SNPH: variants seen among roughly 807,000 people sequenced by gnomAD.
SNPH encodes syntaphilin.
SNPH carries 10 observed loss-of-function variants against 36.8 expected under a neutral mutation model. That is an observed-to-expected ratio of 0.27 (90% confidence interval 0.17 to 0.46). The LOEUF (loss-of-function observed/expected upper bound fraction) is 0.46. Ranked by LOEUF, SNPH falls within the 20% of genes least tolerant of loss-of-function variation. SNPH has a pLI of 1.00. For synonymous variants in SNPH, 281 were observed against 312.2 expected (o/e 0.90, Z 1.05); for missense variants, 622 against 744.0 (o/e 0.84, Z 1.91).
At chr20:1,270,562 C>T (rs1479736746) in intron 2 of SNPH, among the ~76,000 whole-genome samples, 1 of 152,202 alleles carries the variant, frequency 6.6e-6, no homozygotes, top group Non-Finnish European at 1.5e-5. Flanking sequence ...CCTCATCAAT[C>T]TAGAAGGTGG....
intron 2 of SNPH, among the ~76,000 whole-genome samples, chr20:1,287,295 T>G (rs1403571344): frequency 6.6e-6 from 1 of 152,236 alleles, no homozygotes; most frequent in Non-Finnish European, 1.5e-5. Flanking sequence ...AATGCATATT[T>G]TATTGCATGT....
At chr20:1,280,032 C>T (rs767464950) in intron 2 of SNPH, among the ~76,000 whole-genome samples, 15 of 152,174 alleles carry the variant, frequency 9.9e-5, no homozygotes, top group South Asian at 8.3e-4. Context: ...GATGGAGAGG[C>T]GAACTATTCA....
rs375738149 is a variant in SNPH, at chr20:1,297,165, G to A, written c.203G>A (p.Ser68Asn). Residue 68 changes from serine (S) to asparagine (N), a missense_variant, in exon 5 of 7, where the codon AGC becomes AAC. Ser to Asn is a conservative substitution (Grantham distance 46). Around this residue, in one of 3 missense-constraint regions of SNPH, gnomAD observed 187 missense variants for 209.4 expected, o/e 0.89. Coordinates refer to ENST00000381867, the MANE Select transcript of SNPH (RefSeq NM_001318234.2). ...GSRRRTSPPV[S>N]VRDAYGTSSL... ...TCCAGGCGCACCTCTCCACCTGTGAGCGTGCGGGATGCCTACGGCACCTCT... is the reference window on the plus strand; with the variant it reads ...TCCAGGCGCACCTCTCCACCTGTGAACGTGCGGGATGCCTACGGCACCTCT... 29 of 1,613,632 alleles carry A rather than the reference G, an allele frequency of 1.8e-5. No individual in the cohort carries two copies. In the African/African-American group the frequency reaches 3.5e-4, roughly 19 times the overall value.
rs777457414 is a variant in SNPH at position 1,300,654 on chromosome 20, T to A, written c.383T>A (p.Val128Glu). 1 of 1,612,468 alleles carries A rather than the reference T, an allele frequency of 6.2e-7. No homozygotes were observed. The highest frequency in any genetic ancestry group is 8.5e-7 in the Non-Finnish European group (1 of 1,179,862). Residue 128 changes from valine (V) to glutamate (E), a missense_variant, in exon 6 of 7, where the codon GTG becomes GAG. This residue lies in a region of SNPH where 187 missense variants were observed against 209.4 expected (regional missense o/e 0.89). Transcript: ENST00000381867. The stretch of plus-strand genomic sequence containing the variant: ...CTGACCCCCCTGCAGCAGAAGGAGG[T>A]GTGCATCCGGCACCTGAAAGCCCGG... ...QYLTPLQQKE[V>E]CIRHLKARLK...
At chr20:1,279,183 G>A (rs574453625) in intron 2 of SNPH, among the ~76,000 whole-genome samples, 4 of 152,234 alleles carry the variant, frequency 2.6e-5, no homozygotes, top group South Asian at 4.1e-4. Context: ...TTCTACTCGC[G>A]GCATTATGGG....
chr20:1,302,912 T>G (rs1164041935), intron 6 of SNPH, among the ~76,000 whole-genome samples: 1 of 152,248 alleles, frequency 6.6e-6, no homozygotes, highest in African/African-American at 2.4e-5. Context: ...CTGCGTGGCC[T>G]TTTGCACTAA....
rs570464307 is a variant in SNPH at position 1,302,905 on chromosome 20, C to T, written c.441-1973C>T. On this transcript the variant is annotated intron_variant, in intron 6 of 6. Coordinates refer to ENST00000381867, the MANE Select transcript of SNPH (RefSeq NM_001318234.2). ...TCTTCCCAATGATGCCCAGGATCTG[C>T]GTGGCCTTTTGCACTAATGCCTCAG... Among the ~76,000 whole-genome samples, 147 of 152,352 alleles carry T rather than the reference C, an allele frequency of 9.6e-4. 2 individuals carry two copies. Among genetic ancestry groups the T allele is most frequent in the African/African-American group, 3.2e-3 (135 of 41,576 alleles).
rs201621065 is a variant in SNPH, at chr20:1,304,873, C to T, written c.441-5C>T. On this transcript the variant is annotated splice_polypyrimidine_tract_variant and splice_region_variant and intron_variant, in intron 6 of 6. Transcript: ENST00000381867. The surrounding 1 kb of genome is among the most constrained non-coding windows in gnomAD (Gnocchi z 4.3). ...TGAGCGTGTGTGTGTCTCCTCGGCT[C>T]GCAGGGACACAGAGATTGATGACCT... The T allele has an allele frequency of 7.3e-4, 1,174 of 1,611,182 alleles. 1 individual carries two copies. Among genetic ancestry groups the T allele is most frequent in the Middle Eastern group, 8.3e-4 (5 of 6,056 alleles).
At chr20:1,292,916 A>T (rs1022406392) in intron 2 of SNPH, among the ~76,000 whole-genome samples, 1 of 152,168 alleles carries the variant, frequency 6.6e-6, no homozygotes, top group Non-Finnish European at 1.5e-5. Flanking sequence ...AGACACTATT[A>T]TGGCTTGAAT....
intron 2 of SNPH, among the ~76,000 whole-genome samples, chr20:1,275,078 G>T (rs1346514488): frequency 6.6e-6 from 1 of 152,144 alleles, no homozygotes; most frequent in Non-Finnish European, 1.5e-5. Context: ...CACTTTTGGG[G>T]CTCAGAGCCA....
chr20:1,281,487 C>T (rs1354901847), intron 2 of SNPH, among the ~76,000 whole-genome samples: 1 of 152,194 alleles, frequency 6.6e-6, no homozygotes. Context: ...TCTGCTGGCT[C>T]AGCCCTTCTC....
chr20:1,272,268 C>T (rs1164935274), intron 2 of SNPH, among the ~76,000 whole-genome samples: 1 of 152,144 alleles, frequency 6.6e-6, no homozygotes, highest in Admixed American at 6.5e-5. Context: ...TGTTTCCTCA[C>T]CTGTAAAACT....
At chr20:1,291,848 TC>T (rs1055219246) in intron 2 of SNPH, among the ~76,000 whole-genome samples, 9 of 152,222 alleles carry the variant, frequency 5.9e-5, no homozygotes, top group African/African-American at 2.2e-4. Context: ...ACCTGGTTTT[TC>T]CCCCATGACT....
intron 2 of SNPH, among the ~76,000 whole-genome samples, chr20:1,268,986 G>T (rs1437424180): frequency 6.6e-6 from 1 of 152,190 alleles, no homozygotes; most frequent in Non-Finnish European, 1.5e-5. Context: ...GGCAAAAAGG[G>T]ATCCAGATGG....
intron 5 of SNPH, among the ~76,000 whole-genome samples, chr20:1,298,460 T>C (rs1421684328): frequency 6.6e-6 from 1 of 152,220 alleles, no homozygotes; most frequent in East Asian, 1.9e-4. Flanking sequence ...GTAACACCCA[T>C]GTGCAGGACT....
intron 3 of SNPH, among the ~76,000 whole-genome samples, chr20:1,295,542 C>A (rs2088419212): frequency 1.3e-5 from 2 of 152,220 alleles, no homozygotes; most frequent in African/African-American, 2.4e-5. Context: ...TGGTAGATGC[C>A]AAAACCAGCA....
intron 2 of SNPH, among the ~76,000 whole-genome samples, chr20:1,278,594 G>A (rs1207272127): frequency 1.3e-5 from 2 of 152,062 alleles, no homozygotes; most frequent in African/African-American, 4.8e-5. Context: ...TATATAAATG[G>A]AATAATATAA....
At position 1,308,623 on chromosome 20, in the gene SNPH, G is replaced by A. The variant is rs2088613830; in HGVS notation, c.*2569G>A. 1 of 152,522 alleles carries A rather than the reference G, an allele frequency of 6.6e-6. No individual in the cohort carries two copies. The highest frequency in any genetic ancestry group is 2.1e-4 in the South Asian group (1 of 4,840). The allele number at this position is 152,522 out of a possible 1,614,324, so 9.4% of individuals were successfully genotyped here. A position where few individuals can be genotyped will look rare whatever the true frequency, so the allele number is the denominator to read the frequency against. ...CATGGGGCTGGGAGGGCAAAGATGG[G>A]GCGGGGCCTCCCCCTGAGAGAGCTC... On this transcript the variant is annotated 3_prime_UTR_variant, in exon 7 of 7. Coordinates refer to ENST00000381867, the MANE Select transcript of SNPH (RefSeq NM_001318234.2).
At chr20:1,298,275 C>A (rs2088463774) in intron 5 of SNPH, among the ~76,000 whole-genome samples, 1 of 152,232 alleles carries the variant, frequency 6.6e-6, no homozygotes, top group East Asian at 1.9e-4. Flanking sequence ...ATAACTGATA[C>A]CTCCTGTTGT....
Sources: allele counts gnomAD v4.1 joint callset (sites outside exome capture counted in the v4.1 genomes callset), GRCh38; gene constraint gnomAD v4.1.1; regional missense constraint gnomAD v4.1.1; non-coding constraint Gnocchi (gnomAD v3.1); transcripts MANE v1.5; gene names NCBI Gene and HGNC (gene_info 2026-07-23, HGNC 2026-07-21).